FMNL2: variants seen among roughly 807,000 people sequenced by gnomAD.
FMNL2 encodes formin like 2.
A neutral mutation model predicts 130.2 loss-of-function variants in FMNL2; 51 were observed. That is an observed-to-expected ratio of 0.39 (90% CI 0.31 to 0.49). The LOEUF (loss-of-function observed/expected upper bound fraction) is 0.49. Among genes scored for constraint, FMNL2 ranks in the 20% least tolerant of loss-of-function variants. FMNL2 has a pLI of 0.85. For missense variants in FMNL2, 977 were observed against 1,316.2 expected (o/e 0.74, Z 3.99); for synonymous variants, 465 against 467.1 (o/e 1.00, Z 0.06).
At chr2:152,573,387 A>G (rs372325183) in intron 6 of FMNL2, among the ~76,000 whole-genome samples, 1 of 152,214 alleles carries the variant, frequency 6.6e-6, no homozygotes, top group East Asian at 1.9e-4. Context: ...TTTTCACATG[A>G]TCACCCAGCA....
At chr2:152,542,870 A>T in intron 3 of FMNL2, 51 bp downstream of exon 3, 1 of 1,585,494 alleles carries the variant, frequency 6.3e-7, no homozygotes, top group East Asian at 2.2e-5. Flanking sequence ...ATTAGCGAGC[A>T]GAATCCTCCT....
intron 1 of FMNL2, among the ~76,000 whole-genome samples, chr2:152,505,718 C>T (rs772300066): frequency 3.3e-5 from 5 of 152,198 alleles, no homozygotes; most frequent in African/African-American, 9.6e-5. Flanking sequence ...GGGCTCCAGC[C>T]GGCTCCAGCC....
chr2:152,557,846 C>G (rs1376336833), intron 4 of FMNL2, among the ~76,000 whole-genome samples: 1 of 152,072 alleles, frequency 6.6e-6, no homozygotes, highest in Non-Finnish European at 1.5e-5. Flanking sequence ...GGCATTTCAG[C>G]GATAGTAGTA....
At chr2:152,362,743 C>A (rs529658130) in intron 1 of FMNL2, among the ~76,000 whole-genome samples, 1 of 152,260 alleles carries the variant, frequency 6.6e-6, no homozygotes, top group South Asian at 2.1e-4. Flanking sequence ...CAAAATATCA[C>A]TTAATACCTT....
At chr2:152,490,570 TGTGTG>T (rs1393289556) in intron 1 of FMNL2, among the ~76,000 whole-genome samples, 1 of 2,046 alleles carries the variant, frequency 4.9e-4, no homozygotes, top group East Asian at 0.012. Flanking sequence ...TGCTATCCAA[TGTGTG>T]TGTGTGTGTG....
At chr2:152,336,092 AAAAAC>A (rs4035883) in intron 1 of FMNL2, among the ~76,000 whole-genome samples, 12 of 132,336 alleles carry the variant, frequency 9.1e-5, no homozygotes, top group African/African-American at 2.3e-4. Context: ...TTTTTTTAAA[AAAAAC>A]AAAACAAAAC....
At chr2:152,621,055 A>T (rs1043320607) in intron 15 of FMNL2, 1 of 985,286 alleles carries the variant, frequency 1.0e-6, no homozygotes, top group Non-Finnish European at 1.2e-6. Context: ...GAAACCTCAT[A>T]TCAAGCCCCG....
chr2:152,637,400 G>A (rs993973292), intron 22 of FMNL2, among the ~76,000 whole-genome samples, 173 bp from the exon 23 acceptor site: 2 of 152,170 alleles, frequency 1.3e-5, no homozygotes, highest in African/African-American at 4.8e-5. Flanking sequence ...CTGCTGAGGC[G>A]TTTGGAGGAA....
At chr2:152,456,759 T>C (rs555395159) in intron 1 of FMNL2, among the ~76,000 whole-genome samples, 12 of 152,030 alleles carry the variant, frequency 7.9e-5, no homozygotes, top group South Asian at 6.2e-4. Context: ...CTGACCAACA[T>C]GGTGAAACCC....
intron 1 of FMNL2, among the ~76,000 whole-genome samples, chr2:152,472,900 T>C (rs1338506403): frequency 6.6e-6 from 1 of 152,214 alleles, no homozygotes; most frequent in Non-Finnish European, 1.5e-5. Flanking sequence ...CAGAGTGTTT[T>C]AAAAATAGAA....
intron 1 of FMNL2, among the ~76,000 whole-genome samples, chr2:152,453,954 G>A (rs960145115): frequency 2.9e-4 from 44 of 152,144 alleles, no homozygotes; most frequent in Non-Finnish European, 5.7e-4. Context: ...TATTGTGGGG[G>A]AAATGAAAAA....
intron 6 of FMNL2, among the ~76,000 whole-genome samples, chr2:152,571,780 G>T (rs990392678): frequency 1.3e-5 from 2 of 152,118 alleles, no homozygotes; most frequent in Non-Finnish European, 2.9e-5. Flanking sequence ...ATATTGAATT[G>T]ATTTATTTGT....
chr2:152,467,936 A>G (rs1481034294), intron 1 of FMNL2, among the ~76,000 whole-genome samples: 1 of 152,224 alleles, frequency 6.6e-6, no homozygotes, highest in African/African-American at 2.4e-5. Context: ...TTTTAGGAGG[A>G]CCTGAAGCAT....
chr2:152,544,886 A>G (rs1694531987), intron 3 of FMNL2, among the ~76,000 whole-genome samples: 1 of 152,232 alleles, frequency 6.6e-6, no homozygotes, highest in Non-Finnish European at 1.5e-5. Context: ...GGCAAAGAGA[A>G]CAAAGTGAAA....
intron 25 of FMNL2, among the ~76,000 whole-genome samples, chr2:152,644,644 C>G (rs1005625008): frequency 3.3e-5 from 5 of 152,184 alleles, no homozygotes; most frequent in African/African-American, 1.2e-4. Flanking sequence ...GACATGAATA[C>G]AAAGGCTTAG....
chr2:152,552,772 G>A (rs143473284), intron 4 of FMNL2, among the ~76,000 whole-genome samples: 444 of 152,312 alleles, frequency 2.9e-3, no homozygotes, highest in African/African-American at 0.01. Context: ...CACTAGCCAT[G>A]CAGTGTGAGT....
At chr2:152,474,241 C>T (rs978256696) in intron 1 of FMNL2, among the ~76,000 whole-genome samples, 2 of 152,208 alleles carry the variant, frequency 1.3e-5, no homozygotes, top group East Asian at 1.9e-4. Flanking sequence ...GTTACCTGCT[C>T]ATCCTGTTCC....
chr2:152,391,309 A>T (rs1234135995), intron 1 of FMNL2, among the ~76,000 whole-genome samples: 1 of 152,206 alleles, frequency 6.6e-6, no homozygotes, highest in Non-Finnish European at 1.5e-5. Flanking sequence ...CTTCTGGGAG[A>T]TTCTGACAGA....
intron 1 of FMNL2, among the ~76,000 whole-genome samples, chr2:152,438,843 T>C (rs938267959): frequency 6.6e-6 from 1 of 152,204 alleles, no homozygotes; most frequent in African/African-American, 2.4e-5. Flanking sequence ...GAGAACCTAC[T>C]GTTACTTGAT....
Sources: gnomAD v4.1 joint callset for allele counts (sites outside exome capture counted in the v4.1 genomes callset) on GRCh38, gnomAD v4.1.1 for gene constraint, MANE v1.5 for transcripts, NCBI Gene and HGNC (gene_info 2026-07-23, HGNC 2026-07-21) for gene names.